PTPRT: variants seen among roughly 807,000 people sequenced by gnomAD.
The protein encoded by PTPRT is protein tyrosine phosphatase receptor type T, also known as receptor-type tyrosine-protein phosphatase T.
A neutral mutation model predicts 176.8 loss-of-function variants in PTPRT; 56 were observed. The observed-to-expected ratio is 0.32, with a 90% confidence interval of 0.26 to 0.40. PTPRT has a LOEUF of 0.40. PTPRT is among the 10% of genes least tolerant of loss of function. The pLI, the probability that PTPRT is intolerant of heterozygous loss-of-function variation, is 1.00. For missense variants in PTPRT, 1,540 were observed against 1,908.2 expected (o/e 0.81, Z 3.60); for synonymous variants, 783 against 739.0 (o/e 1.06, Z -0.96).
At chr20:42,546,478 A>AT (rs2072675845) in intron 7 of PTPRT, among the ~76,000 whole-genome samples, 1 of 135,644 alleles carries the variant, frequency 7.4e-6, no homozygotes, top group East Asian at 2.5e-4. Flanking sequence ...AGACAAAAAA[A>AT]GAAAAAAAAA....
intron 27 of PTPRT, among the ~76,000 whole-genome samples, chr20:42,091,511 T>C (rs1375950719): frequency 1.3e-5 from 2 of 152,192 alleles, no homozygotes; most frequent in Non-Finnish European, 2.9e-5. Context: ...CCAAGTAATA[T>C]CATCACGTTA....
chr20:42,517,974 G>C (rs2072100350), intron 7 of PTPRT, among the ~76,000 whole-genome samples: 1 of 151,892 alleles, frequency 6.6e-6, no homozygotes, highest in South Asian at 2.1e-4. Context: ...TCGTCATCCT[G>C]ATAGTATATA....
chr20:43,135,049 G>C (rs2013780540), intron 1 of PTPRT, among the ~76,000 whole-genome samples: 1 of 152,194 alleles, frequency 6.6e-6, no homozygotes, highest in Non-Finnish European at 1.5e-5. Flanking sequence ...TGGGGAGGGA[G>C]TGCAAAACTG....
intron 6 of PTPRT, among the ~76,000 whole-genome samples, chr20:42,752,462 T>C (rs945077832): frequency 3.3e-5 from 5 of 152,156 alleles, no homozygotes; most frequent in African/African-American, 1.2e-4. Context: ...CCCAAGCATC[T>C]TGGCTGCAGA....
chr20:42,975,642 C>T (rs1327079984), intron 1 of PTPRT, among the ~76,000 whole-genome samples: 2 of 152,160 alleles, frequency 1.3e-5, no homozygotes, highest in African/African-American at 2.4e-5. Flanking sequence ...ACAGAATTCT[C>T]ACTACGCCTA....
chr20:42,987,098 A>G (rs570048480), intron 1 of PTPRT, among the ~76,000 whole-genome samples: 1 of 152,184 alleles, frequency 6.6e-6, no homozygotes, highest in East Asian at 1.9e-4. Context: ...ATCTCCACCT[A>G]GACCCCCACA....
At chr20:42,713,384 C>A (rs550084739) in intron 6 of PTPRT, among the ~76,000 whole-genome samples, 45 of 152,084 alleles carry the variant, frequency 3.0e-4, no homozygotes, top group Non-Finnish European at 5.7e-4. Context: ...TTCCCAAAAG[C>A]ACATTCTGAA....
intron 1 of PTPRT, among the ~76,000 whole-genome samples, chr20:42,923,846 T>C (rs1001232816): frequency 2.2e-5 from 3 of 138,262 alleles, no homozygotes; most frequent in Admixed American, 2.1e-4. Context: ...TTTTCTTTTC[T>C]TTTTTTTTTC....
At chr20:42,357,538 G>C (rs937869501) in intron 9 of PTPRT, among the ~76,000 whole-genome samples, 1 of 152,168 alleles carries the variant, frequency 6.6e-6, no homozygotes, top group Non-Finnish European at 1.5e-5. Flanking sequence ...TTATGTTGCA[G>C]AGTGACCCCC....
intron 7 of PTPRT, among the ~76,000 whole-genome samples, chr20:42,523,241 T>C (rs1601187504): frequency 6.6e-6 from 1 of 152,140 alleles, no homozygotes; most frequent in Non-Finnish European, 1.5e-5. Flanking sequence ...GCCTTATTAC[T>C]TTCCTCTCCT....
intron 2 of PTPRT, among the ~76,000 whole-genome samples, chr20:42,881,205 C>A (rs939167517): frequency 7.9e-5 from 12 of 152,232 alleles, no homozygotes; most frequent in African/African-American, 2.9e-4. Context: ...CCATTTAACT[C>A]TCACACTGGT....
intron 7 of PTPRT, among the ~76,000 whole-genome samples, chr20:42,480,860 A>G (rs1210610028): frequency 6.6e-6 from 1 of 152,206 alleles, no homozygotes; most frequent in Non-Finnish European, 1.5e-5. Context: ...GCCAAATTCT[A>G]CTACACAGAT....
chr20:42,446,874 G>A (rs537991235), intron 9 of PTPRT, among the ~76,000 whole-genome samples: 38 of 152,136 alleles, frequency 2.5e-4, no homozygotes, highest in African/African-American at 8.7e-4. Context: ...CCTTCCATCT[G>A]GTAATCCTGA....
chr20:42,399,144 G>C lies in PTPRT; in HGVS notation c.1561-46859C>G, dbSNP rs188194769. 7.9e-5 allele frequency among the ~76,000 whole-genome samples: 12 copies of C among 152,340 alleles called. No homozygotes were observed. In the East Asian group the frequency reaches 2.3e-3, roughly 29 times the overall value. On this transcript the variant is annotated intron_variant, in intron 9 of 30. Coordinates refer to ENST00000373187, the MANE Select transcript of PTPRT (RefSeq NM_007050.6). ...TCTACCACTTTCTATTAGTCAAAAA[G>C]ATTCACAGTCAGTGTGGATTTAAGG...
intron 1 of PTPRT, among the ~76,000 whole-genome samples, chr20:42,935,036 C>T (rs1490790220): frequency 1.4e-5 from 2 of 147,470 alleles, no homozygotes; most frequent in African/African-American, 5.0e-5. Context: ...AAGATTGCAC[C>T]ACTGCACTCC....
chr20:42,794,069 C>A (rs57156610), intron 2 of PTPRT, among the ~76,000 whole-genome samples: 86 of 152,308 alleles, frequency 5.6e-4, no homozygotes, highest in African/African-American at 2.0e-3. Context: ...AGTTCATGAT[C>A]CCACTTCTTT....
intron 7 of PTPRT, among the ~76,000 whole-genome samples, chr20:42,670,296 T>A (rs191634765): frequency 1.3e-5 from 2 of 152,276 alleles, no homozygotes; most frequent in East Asian, 1.9e-4. Context: ...TCCAACAAAA[T>A]GGTGCATTAT....
At chr20:43,155,524 G>A (rs909466195) in intron 1 of PTPRT, among the ~76,000 whole-genome samples, 1 of 152,218 alleles carries the variant, frequency 6.6e-6, no homozygotes, top group Non-Finnish European at 1.5e-5. Context: ...GATTGGCTGG[G>A]ATGGTTAGCA....
chr20:42,040,866 C>A, the PTPRT span, among the ~76,000 whole-genome samples: 1 of 152,162 alleles, frequency 6.6e-6, no homozygotes, highest in African/African-American at 2.4e-5. Flanking sequence ...GGCTGTGGTG[C>A]AGGCAAAGCC....
Sources: allele counts gnomAD v4.1 joint callset (sites outside exome capture counted in the v4.1 genomes callset), GRCh38; gene constraint gnomAD v4.1.1; transcripts MANE v1.5; gene names NCBI Gene and HGNC (gene_info 2026-07-23, HGNC 2026-07-21).